KRT6A: variants seen among roughly 807,000 people sequenced by gnomAD.
The protein encoded by KRT6A is keratin 6A.
KRT6A carries 28 observed loss-of-function variants against 48.6 expected under a neutral mutation model. The observed-to-expected ratio is 0.58, with a 90% CI of 0.43 to 0.79. KRT6A has a LOEUF of 0.79. KRT6A is among the 30% of genes least tolerant of loss of function. The pLI is 0.00. For synonymous variants in KRT6A, 301 were observed against 294.2 expected (o/e 1.02, Z -0.24); for missense variants, 687 against 724.3 (o/e 0.95, Z 0.59).
At chr12:52,489,114 G>T (rs745579569) in intron 6 of KRT6A, among the ~76,000 whole-genome samples, 4 of 151,804 alleles carry the variant, frequency 2.6e-5, no homozygotes, top group Non-Finnish European at 4.4e-5. Flanking sequence ...TTTTCAATTT[G>T]TTCCTTTGCA....
At chr12:52,488,283 T>A in intron 7 of KRT6A, 45 bp downstream of exon 7, 1 of 1,614,032 alleles carries the variant, frequency 6.2e-7, no homozygotes, top group Non-Finnish European at 8.5e-7. Flanking sequence ...CCAGGAACCT[T>A]GAAGATGGAC....
At chr12:52,492,122 T>C (rs1938277854) in intron 1 of KRT6A, among the ~76,000 whole-genome samples, 1 of 152,248 alleles carries the variant, frequency 6.6e-6, no homozygotes, top group South Asian at 2.1e-4. Flanking sequence ...TGCCCAATGA[T>C]TTGATTCCCG....
chr12:52,492,708 C>T lies in KRT6A; in HGVS notation c.481G>A (p.Ala161Thr). The change falls in exon 1 of 9, where the codon GCT becomes ACT. Residue 161 changes from alanine (A) to threonine (T), a missense_variant. Physicochemically the swap from Ala to Thr is moderately conservative, Grantham distance 58. This residue lies in a region of KRT6A where 566 missense variants were observed against 565.3 expected (regional missense o/e 1.00). Coordinates refer to ENST00000330722, the MANE Select transcript of KRT6A (RefSeq NM_005554.4). ...QIDPTIQRVRAEEREQIKTLN... is the reference protein window; with the variant it reads ...QIDPTIQRVRTEEREQIKTLN... ...GTCTTGATCTGTTCACGCTCCTCAG[C>T]CCGCACCCGCTGGATGGTGGGATCG... 6.2e-7 allele frequency: 1 copy of T among 1,614,068 alleles called. No homozygotes were observed. The highest frequency in any genetic ancestry group is 8.5e-7 in the Non-Finnish European group (1 of 1,179,968).
chr12:52,488,700 T>C, intron 6 of KRT6A, 152 bp from the exon 7 acceptor site: 1 of 1,119,230 alleles, frequency 8.9e-7, no homozygotes, highest in Non-Finnish European at 1.3e-6. Flanking sequence ...TTTTTTATTT[T>C]GCAGTTTTTG....
chr12:52,489,876 A>C, intron 6 of KRT6A, 67 bp downstream of exon 6: 1 of 1,613,022 alleles, frequency 6.2e-7, no homozygotes, highest in Admixed American at 1.7e-5. Flanking sequence ...TCCCTAATAT[A>C]ATGGTTGATG....
At position 52,488,517 on chromosome 12, in the gene KRT6A, G is replaced by A. The variant is rs1301856437; in HGVS notation, c.1235C>T (p.Ala412Val). The change falls in exon 7 of 9, where the codon GCT becomes GTT. Residue 412 changes from alanine (A) to valine (V), a missense_variant. Ala to Val is a moderately conservative substitution (Grantham distance 64). This residue lies in a region of KRT6A where 566 missense variants were observed against 565.3 expected (regional missense o/e 1.00). Transcript: ENST00000330722. ...CANLQAAIAD[A>V]EQRGEMALKD... ...GAGGGCCATCTCCCCACGCTGCTCAGCATCAGCAATGGCGGCCTGCAGGTT... is the reference window on the plus strand; with the variant it reads ...GAGGGCCATCTCCCCACGCTGCTCAACATCAGCAATGGCGGCCTGCAGGTT... 1 of 1,614,010 alleles carries A rather than the reference G, an allele frequency of 6.2e-7. No individual in the cohort carries two copies. The highest frequency in any genetic ancestry group is 1.3e-5 in the African/African-American group (1 of 74,916).
In KRT6A at chr12:52,488,443, C is replaced by A; in HGVS notation, c.1309G>T (p.Ala437Ser). 1 of 1,614,174 alleles carries A rather than the reference C, an allele frequency of 6.2e-7. No homozygotes were observed. The highest frequency in any genetic ancestry group is 2.2e-5 in the East Asian group (1 of 44,862). Residue 437 changes from alanine (A) to serine (S), a missense_variant, in exon 7 of 9, where the codon GCC (alanine) becomes TCC (serine). By Grantham distance (99) the Ala-to-Ser change is moderately conservative. Transcript: ENST00000330722. ...AGCAGCCGGGCCAGGTCCTGCTTGG[C>A]CTTCTGCAGGGCATCCTCCAGCCCT... The part of the protein sequence containing the change: ...LEGLEDALQK[A>S]KQDLARLLKE...
In KRT6A at chr12:52,492,798, G is replaced by A. The variant is rs1376577077; in HGVS notation, c.391C>T (p.Pro131Ser). ...GTGACCTCTTGGATGCCTCCAGGGGGGCACACAGGGAAGCCAGGGCCCCCA... is the reference window on the plus strand; with the variant it reads ...GTGACCTCTTGGATGCCTCCAGGGGAGCACACAGGGAAGCCAGGGCCCCCA... Reference protein sequence around the residue: ...GFGGPGFPVCPPGGIQEVTVN... With the variant: ...GFGGPGFPVCSPGGIQEVTVN... The change falls in exon 1 of 9, where the codon CCC becomes TCC. Residue 131 changes from proline (P) to serine (S), a missense_variant. Around this residue, in one of 3 missense-constraint regions of KRT6A, gnomAD observed 566 missense variants for 565.3 expected, o/e 1.00. Transcript: ENST00000330722. 21 of 1,613,192 alleles carry A rather than the reference G, an allele frequency of 1.3e-5. No individual in the cohort carries two copies. Among genetic ancestry groups the A allele is most frequent in the African/African-American group, 2.7e-5 (2 of 74,714 alleles).
At chr12:52,488,134 C>T (rs763930363) in intron 7 of KRT6A, 31 bp from the exon 8 acceptor site, 2 of 1,613,974 alleles carry the variant, frequency 1.2e-6, no homozygotes, top group Non-Finnish European at 1.7e-6. Flanking sequence ...AGGGTGAGAC[C>T]TCAGAGAGCT....
At position 52,487,938 on chromosome 12, in the gene KRT6A, C is replaced by T. The variant is rs201432146; in HGVS notation, c.1477G>A (p.Val493Ile). The change falls in exon 9 of 9, where the codon GTC (valine) becomes ATC (isoleucine). Residue 493 changes from valine (V) to isoleucine (I), a missense_variant. By Grantham distance (29) the Val-to-Ile change is conservative (BLOSUM62 3). This residue lies in a region of KRT6A where 566 missense variants were observed against 565.3 expected (regional missense o/e 1.00). Transcript: ENST00000330722. The part of the protein sequence containing the change: ...QVNISVVQST[V>I]SSGYGGASGV... ...CTGGCACCGCCATAGCCACTGGAGA[C>T]GGTGGACTGCACCACAGCTGTGATG... 339 of 1,614,014 alleles carry T rather than the reference C, an allele frequency of 2.1e-4. No individual in the cohort carries two copies. Among genetic ancestry groups the T allele is most frequent in the Middle Eastern group, 6.6e-4 (4 of 6,062 alleles).
rs369491089 is a variant in KRT6A, at chr12:52,492,601, G to C, written c.540+48C>G. On this transcript the variant is annotated intron_variant, in intron 1 of 8. Transcript: ENST00000330722. ...CCTGGCAGGAAGGTGTTGCTCCTCT[G>C]GTCTGGGGACCCTGAAGTGCCCCAT... 2.0e-4 allele frequency: 315 copies of C among 1,613,774 alleles called. No individual in the cohort carries two copies. The Middle Eastern group carries it at 6.4e-3, about 33-fold the overall frequency.
At chr12:52,490,453 T>C in intron 5 of KRT6A, 116 bp downstream of exon 5, 2 of 1,509,156 alleles carry the variant, frequency 1.3e-6, no homozygotes, top group Non-Finnish European at 1.8e-6. Flanking sequence ...GCAGAGTGCA[T>C]GTCCTGTGAG....
rs1250068516 is a variant in KRT6A, at chr12:52,488,289, T to C, written c.1424+39A>G. 1.9e-6 allele frequency: 3 copies of C among 1,614,098 alleles called. No homozygotes were observed. In the Admixed American group the frequency reaches 5.0e-5, roughly 27 times the overall value. On this transcript the variant is annotated intron_variant, in intron 7 of 8. Coordinates refer to ENST00000330722, the MANE Select transcript of KRT6A (RefSeq NM_005554.4). ...TGCTCAGTGCCAGGAACCTTGAAGATGGACTCAGCTGTTGAAGGAGTTCGT... is the reference window on the plus strand; with the variant it reads ...TGCTCAGTGCCAGGAACCTTGAAGACGGACTCAGCTGTTGAAGGAGTTCGT...
Position 52,487,852 on chromosome 12 carries a change from A to G in KRT6A, c.1563T>C (p.Leu521=), listed in dbSNP as rs1938174728. ...TGGAACTGAAGCCACCTCCAACGCCAAGACCACTGCCATAGGAGTAGCTGC... is the reference window on the plus strand; with the variant it reads ...TGGAACTGAAGCCACCTCCAACGCCGAGACCACTGCCATAGGAGTAGCTGC... ...GGSSYSYGSG[L]GVGGGFSSSS... The change falls in exon 9 of 9, where the codon CTT becomes CTC. Residue 521 remains leucine, a synonymous_variant. Transcript: ENST00000330722. The G allele has an allele frequency of 1.9e-6, 3 of 1,613,932 alleles. No individual in the cohort carries two copies. Among genetic ancestry groups the G allele is most frequent in the Non-Finnish European group, 2.5e-6 (3 of 1,179,912 alleles).
At chr12:52,490,248 T>C in intron 5 of KRT6A, 180 bp from the exon 6 acceptor site, 1 of 1,219,198 alleles carries the variant, frequency 8.2e-7, no homozygotes, top group Non-Finnish European at 1.2e-6. Context: ...CAGACCATCC[T>C]CATTATGGCA....
rs1181105526 is a variant in KRT6A at position 52,492,660 on chromosome 12, A to C, written c.529T>G (p.Phe177Val). 6.2e-7 allele frequency: 1 copy of C among 1,613,916 alleles called. No individual in the cohort carries two copies. The highest frequency in any genetic ancestry group is 8.5e-7 in the Non-Finnish European group (1 of 1,179,936). Residue 177 changes from phenylalanine (F) to valine (V), a missense_variant, in exon 1 of 9, where the codon TTC becomes GTC. Coordinates refer to ENST00000330722, the MANE Select transcript of KRT6A (RefSeq NM_005554.4). ...IKTLNNKFAS[F>V]IDKVRFLEQQ... ...TGGCACTGGCTCACCTTGTCGATGA[A>C]GGAGGCAAACTTGTTGTTGAGGGTC... is the stretch of plus-strand genomic sequence containing the variant.
At chr12:52,490,200 G>A (rs1938234920) in intron 5 of KRT6A, 132 bp from the exon 6 acceptor site, 1 of 1,561,358 alleles carries the variant, frequency 6.4e-7, no homozygotes, top group Non-Finnish European at 8.8e-7. Flanking sequence ...AGGAAAAGTT[G>A]ATATTATGTG....
chr12:52,492,474 T>C (rs1018289290), intron 1 of KRT6A, among the ~76,000 whole-genome samples, 175 bp downstream of exon 1: 19 of 152,144 alleles, frequency 1.2e-4, no homozygotes, highest in African/African-American at 4.1e-4. Flanking sequence ...AGAGATCCCA[T>C]GGGGGAGTGA....
chr12:52,488,195 G>A (rs1938184057), intron 7 of KRT6A, 92 bp from the exon 8 acceptor site: 4 of 1,613,276 alleles, frequency 2.5e-6, no homozygotes, highest in South Asian at 1.1e-5. Context: ...AAGAGTCCAT[G>A]GGAAACTGCT....
Sources: gnomAD v4.1 joint callset for allele counts (sites outside exome capture counted in the v4.1 genomes callset) on GRCh38, gnomAD v4.1.1 for gene constraint, gnomAD v4.1.1 regional missense constraint, MANE v1.5 for transcripts, NCBI Gene and HGNC (gene_info 2026-07-23, HGNC 2026-07-21) for gene names.